The following SP100 variants were observed in gnomAD, a reference collection of about 807,000 sequenced individuals.
SP100 encodes the protein SP100 nuclear body protein, also known as nuclear autoantigen Sp-100.
SP100 carries 84 observed loss-of-function variants against 130.0 expected under a neutral mutation model. That is an observed-to-expected ratio of 0.65 (90% CI 0.54 to 0.77). The LOEUF is 0.77. Among genes scored for constraint, SP100 ranks in the 30% least tolerant of loss-of-function variants. SP100 has a pLI of 0.00. For missense variants in SP100, 978 were observed against 1,052.2 expected (o/e 0.93, Z 0.97); for synonymous variants, 331 against 351.7 (o/e 0.94, Z 0.66).
intron 9 of SP100, among the ~76,000 whole-genome samples, chr2:230,461,973 AT>A (rs1425064475): frequency 6.6e-6 from 1 of 151,802 alleles, no homozygotes; most frequent in Non-Finnish European, 1.5e-5. Flanking sequence ...AAAGGAAAAA[AT>A]AAATAAAAAA....
intron 18 of SP100, among the ~76,000 whole-genome samples, chr2:230,497,771 A>G (rs1188517491): frequency 6.6e-6 from 1 of 152,104 alleles, no homozygotes; most frequent in Non-Finnish European, 1.5e-5. Context: ...GCTTTCTGGG[A>G]CTTGAATCTC....
chr2:230,502,325 C>A (rs2067083015), intron 19 of SP100, among the ~76,000 whole-genome samples: 1 of 152,188 alleles, frequency 6.6e-6, no homozygotes, highest in Non-Finnish European at 1.5e-5. Context: ...TCACCATTTT[C>A]AGTACAAAAC....
At chr2:230,428,393 C>T (rs541643090) in intron 2 of SP100, among the ~76,000 whole-genome samples, 18 of 151,914 alleles carry the variant, frequency 1.2e-4, no homozygotes, top group African/African-American at 4.1e-4. Flanking sequence ...GAAGCAAGCA[C>T]GTCTTCAAAT....
intron 17 of SP100, among the ~76,000 whole-genome samples, chr2:230,482,967 G>A (rs973599736): frequency 6.6e-6 from 1 of 152,154 alleles, no homozygotes; most frequent in Non-Finnish European, 1.5e-5. Flanking sequence ...TAAATGTGGA[G>A]AGAACTGACG....
In SP100 at chr2:230,544,021, T is replaced by A. The variant is rs1021319638; in HGVS notation, c.*1075T>A. On this transcript the variant is annotated 3_prime_UTR_variant, in exon 29 of 29. Transcript: ENST00000340126. ...GAATAAGACCACACTCCTATGACCA[T>A]CTGATCGTCGATAAAAACAAGCAAT... The A allele has an allele frequency of 3.9e-5, 6 of 152,062 alleles. No individual in the cohort carries two copies. The highest frequency in any genetic ancestry group is 5.9e-5 in the Non-Finnish European group (4 of 67,996). The allele number at this position is 152,062 out of a possible 1,614,324, so 9.4% of individuals were successfully genotyped here.
chr2:230,480,685 G>A (rs1279029271), intron 17 of SP100, among the ~76,000 whole-genome samples: 2 of 152,200 alleles, frequency 1.3e-5, no homozygotes, highest in Admixed American at 6.5e-5. Context: ...CCAGGAGCCT[G>A]AGGTCTGAGG....
intron 17 of SP100, among the ~76,000 whole-genome samples, chr2:230,483,194 T>G (rs781152669): frequency 1.3e-5 from 2 of 152,150 alleles, no homozygotes; most frequent in Non-Finnish European, 2.9e-5. Flanking sequence ...ATAGTGACAA[T>G]GTCATAAAGA....
chr2:230,416,760 G>C lies in SP100; in HGVS notation c.32+432G>C, dbSNP rs927387146. The C allele has an allele frequency of 1.2e-5, 12 of 988,346 alleles. No individual in the cohort carries two copies. The South Asian group carries it at 1.3e-4, about 11-fold the overall frequency. The allele number at this position is 988,346 out of a possible 1,614,324, so 61.2% of individuals were successfully genotyped here. On this transcript the variant is annotated intron_variant, in intron 1 of 28. Transcript: ENST00000340126. ...CCTGGCTTACTTTTAAACATCAGAC[G>C]CTGTGGTCTCACCTGTCCTGGCAAG...
At chr2:230,476,986 C>T (rs1383034466) in intron 17 of SP100, among the ~76,000 whole-genome samples, 1 of 152,046 alleles carries the variant, frequency 6.6e-6, no homozygotes, top group Non-Finnish European at 1.5e-5. Context: ...CTGCCTCAGC[C>T]TCCCGAGTAG....
chr2:230,541,871 T>C (rs754931195), intron 27 of SP100, 21 bp from the exon 28 acceptor site: 2 of 1,610,196 alleles, frequency 1.2e-6, no homozygotes, highest in Non-Finnish European at 8.5e-7. Context: ...GATAGCCTCA[T>C]TTTGGTCTTT....
chr2:230,505,578 T>TA (rs1045773642), intron 21 of SP100, among the ~76,000 whole-genome samples: 40 of 151,942 alleles, frequency 2.6e-4, no homozygotes, highest in African/African-American at 8.7e-4. Context: ...GAGAAAAAAA[T>TA]AAAAAAACAG....
At chr2:230,477,944 C>CCCTGATCAAAAAAAAAAA (rs2065647995) in intron 17 of SP100, among the ~76,000 whole-genome samples, 1 of 134,490 alleles carries the variant, frequency 7.4e-6, no homozygotes, top group South Asian at 2.4e-4. Context: ...CAAAACAAAA[C>CCCTGATCAAAAAAAAAAA]AAACAAAAAA....
At chr2:230,467,835 C>T (rs1451243717) in intron 13 of SP100, among the ~76,000 whole-genome samples, 1 of 152,198 alleles carries the variant, frequency 6.6e-6, no homozygotes, top group Non-Finnish European at 1.5e-5. Context: ...TACTTCTGCT[C>T]ATTCTCTGTT....
chr2:230,494,291 G>A (rs930027296), intron 17 of SP100, 125 bp from the exon 18 acceptor site: 12 of 732,622 alleles, frequency 1.6e-5, no homozygotes, highest in South Asian at 6.3e-5. Context: ...GTTGGTGGCC[G>A]AGGACTTAGC....
chr2:230,454,913 CTCTT>C (rs1367363680), intron 8 of SP100, among the ~76,000 whole-genome samples: 7 of 151,950 alleles, frequency 4.6e-5, no homozygotes, highest in Admixed American at 4.6e-4. Context: ...GTATTAGTCT[CTCTT>C]TCCTTCAGAT....
chr2:230,518,031 T>C (rs1575795343), intron 24 of SP100, among the ~76,000 whole-genome samples: 1 of 152,262 alleles, frequency 6.6e-6, no homozygotes, highest in South Asian at 2.1e-4. Context: ...TGACTTAGAC[T>C]GTTTGCGAAA....
chr2:230,424,471 A>T (rs1575586532), intron 2 of SP100, among the ~76,000 whole-genome samples: 1 of 152,168 alleles, frequency 6.6e-6, no homozygotes, highest in East Asian at 1.9e-4. Context: ...GTTCAAGACC[A>T]GCCTGGCCAA....
At position 230,449,592 on chromosome 2, in the gene SP100, G is replaced by A. The variant is rs756634838; in HGVS notation, c.618G>A (p.Glu206=). 2 of 1,614,108 alleles carry A rather than the reference G, an allele frequency of 1.2e-6. No homozygotes were observed. The highest frequency in any genetic ancestry group is 2.2e-5 in the South Asian group (2 of 91,084). The change falls in exon 7 of 29, where the codon GAG becomes GAA. Residue 206 remains glutamate, a synonymous_variant. Transcript: ENST00000340126. ...GTTPPENGLS[E]HPCETEQINA... is the part of the protein sequence containing the mutation. Reference sequence around the variant, plus strand: ...CCCCACCTGAAAATGGACTCTCAGAGCACCCCTGTGAAACAGAACAGATAA... The same window carrying A: ...CCCCACCTGAAAATGGACTCTCAGAACACCCCTGTGAAACAGAACAGATAA...
chr2:230,543,059 T>C lies in SP100; in HGVS notation c.*113T>C. On this transcript the variant is annotated 3_prime_UTR_variant, in exon 29 of 29. Transcript: ENST00000340126. Reference sequence around the variant, plus strand: ...AACTCCACATCACAATTCTCCAAAATTTATCATTGCCATTTTAAAACCGTC... The same window carrying C: ...AACTCCACATCACAATTCTCCAAAACTTATCATTGCCATTTTAAAACCGTC... 2 of 579,210 alleles carry C rather than the reference T, an allele frequency of 3.5e-6. No homozygotes were observed. The highest frequency in any genetic ancestry group is 3.0e-5 in the East Asian group (1 of 33,624). The allele number at this position is 579,210 out of a possible 1,614,324, so 35.9% of individuals were successfully genotyped here.
Sources: gnomAD v4.1 joint callset for allele counts (sites outside exome capture counted in the v4.1 genomes callset) on GRCh38, gnomAD v4.1.1 for gene constraint, MANE v1.5 for transcripts, NCBI Gene and HGNC (gene_info 2026-07-23, HGNC 2026-07-21) for gene names.